The following PAXBP1 variants were observed in gnomAD, a reference collection of about 807,000 sequenced individuals.
PAXBP1 encodes the protein PAX3 and PAX7 binding protein 1.
PAXBP1 carries 44 observed loss-of-function variants against 119.9 expected under a neutral mutation model. The observed-to-expected ratio is 0.37, with a 90% CI of 0.29 to 0.47. The LOEUF is 0.47. Among genes scored for constraint, PAXBP1 ranks in the 20% least tolerant of loss-of-function variants. The probability of loss-of-function intolerance (pLI) is 0.99; values close to 1 mark genes in which losing one functional copy is unlikely to be tolerated. For missense variants in PAXBP1, 898 were observed against 1,134.1 expected (o/e 0.79, Z 2.99); for synonymous variants, 393 against 406.6 (o/e 0.97, Z 0.40).
chr21:32,759,334 T>A, intron 6 of PAXBP1, 65 bp from the exon 7 acceptor site: 1 of 1,438,102 alleles, frequency 7.0e-7, no homozygotes, highest in Non-Finnish European at 9.5e-7. Flanking sequence ...TCAGGACTCT[T>A]GCAATATTAA....
At chr21:32,743,834 G>T in intron 13 of PAXBP1, 80 bp from the exon 14 acceptor site, 1 of 804,664 alleles carries the variant, frequency 1.2e-6, no homozygotes, top group Non-Finnish European at 2.0e-6. Flanking sequence ...TCATGTAACT[G>T]AATATTGAAC....
chr21:32,735,803 C>G (rs767441736), intron 17 of PAXBP1, among the ~76,000 whole-genome samples: 1 of 152,168 alleles, frequency 6.6e-6, no homozygotes, highest in South Asian at 2.1e-4. Context: ...TAGCTTAAAC[C>G]ACTCACGAGA....
intron 10 of PAXBP1, among the ~76,000 whole-genome samples, chr21:32,749,553 G>A (rs1405178347): frequency 1.3e-5 from 2 of 152,106 alleles, no homozygotes; most frequent in African/African-American, 4.8e-5. Flanking sequence ...ATTTACAATG[G>A]AGAGATAAAG....
chr21:32,744,562 A>AT (rs973019760), intron 13 of PAXBP1, among the ~76,000 whole-genome samples: 10 of 151,922 alleles, frequency 6.6e-5, no homozygotes, highest in Admixed American at 5.9e-4. Context: ...TTCCATATTG[A>AT]TTTTTTTAAA....
chr21:32,741,712 T>C, intron 15 of PAXBP1: 2 of 542,638 alleles, frequency 3.7e-6, no homozygotes, highest in South Asian at 4.9e-5. Context: ...ATTTAGGTTT[T>C]ATGGTTGGCT....
chr21:32,763,539 T>C (rs1339933182), intron 3 of PAXBP1, among the ~76,000 whole-genome samples: 1 of 152,268 alleles, frequency 6.6e-6, no homozygotes, highest in Non-Finnish European at 1.5e-5. Context: ...AGCATATTTT[T>C]AAATTGTATA....
chr21:32,765,140 C>A (rs1348308811), intron 2 of PAXBP1, among the ~76,000 whole-genome samples: 1 of 152,192 alleles, frequency 6.6e-6, no homozygotes, highest in Non-Finnish European at 1.5e-5. Context: ...GGACTTCTGA[C>A]TGAAGCAGAG....
chr21:32,759,658 T>C (rs2044104717), intron 6 of PAXBP1, 119 bp downstream of exon 6: 1 of 859,874 alleles, frequency 1.2e-6, no homozygotes, highest in South Asian at 1.6e-5. Context: ...TGTTTAGCTT[T>C]TGAAGCTGGG....
chr21:32,735,009 T>C lies in PAXBP1; in HGVS notation c.2695A>G (p.Met899Val), dbSNP rs1394578544. ...LASVRALDHA[M>V]SVASDHNVKE... ...ACATTGTGGTCACTTGCAACAGACA[T>C]AGCATGATCCAAAGCTCGAACACTT... Residue 899 changes from methionine (M) to valine (V), a missense_variant, in exon 18 of 18, where the codon ATG becomes GTG. Around this residue, in one of 2 missense-constraint regions of PAXBP1, gnomAD observed 599 missense variants for 852.7 expected, o/e 0.70. Coordinates refer to ENST00000331923, the MANE Select transcript of PAXBP1 (RefSeq NM_016631.4). 9 of 1,613,788 alleles carry C rather than the reference T, an allele frequency of 5.6e-6. No homozygotes were observed. In the African/African-American group the frequency reaches 8.0e-5, roughly 14 times the overall value.
Position 32,737,354 on chromosome 21 carries a change from T to C in PAXBP1, c.2536A>G (p.Ile846Val). ...CGGCAAAAGTTTTCTAACTGAGAAATAGTCCTTTCTCCTTTCAGATTCATG... is the reference window on the plus strand; with the variant it reads ...CGGCAAAAGTTTTCTAACTGAGAAACAGTCCTTTCTCCTTTCAGATTCATG... The part of the protein sequence containing the change: ...WFMNLKGERT[I>V]SQLENFCRYL... The change falls in exon 17 of 18, where the codon ATT (isoleucine) becomes GTT (valine). Residue 846 changes from isoleucine (I) to valine (V), a missense_variant. By Grantham distance (29) the Ile-to-Val change is conservative. Transcript: ENST00000331923. 6.2e-7 allele frequency: 1 copy of C among 1,609,332 alleles called. No homozygotes were observed.
At chr21:32,769,573 CTG>C (rs2044299948) in intron 2 of PAXBP1, among the ~76,000 whole-genome samples, 2 of 152,218 alleles carry the variant, frequency 1.3e-5, no homozygotes, top group South Asian at 2.1e-4. Flanking sequence ...AGTAGGAAAA[CTG>C]TGAGAGAATC....
At chr21:32,748,437 G>C in intron 11 of PAXBP1, 62 bp downstream of exon 11, 2 of 1,505,660 alleles carry the variant, frequency 1.3e-6, no homozygotes, top group South Asian at 1.3e-5. Context: ...CTCTAGCTTT[G>C]AGATTAAAAT....
chr21:32,735,446 A>G (rs1242947441), intron 17 of PAXBP1, among the ~76,000 whole-genome samples: 1 of 152,200 alleles, frequency 6.6e-6, no homozygotes, highest in Non-Finnish European at 1.5e-5. Context: ...TTTAGCGTAT[A>G]CCTGGAACAC....
Position 32,755,257 on chromosome 21 carries a change from C to G in PAXBP1, c.1480G>C (p.Glu494Gln). The G allele has an allele frequency of 6.2e-7, 1 of 1,612,914 alleles. No individual in the cohort carries two copies. Among genetic ancestry groups the G allele is most frequent in the South Asian group, 1.1e-5 (1 of 90,884 alleles). Reference sequence around the variant, plus strand: ...GAATGGCTTGAAAACTCCGAAGATTCATCTTTAATATCATCTTGTCGTCTT... The same window carrying G: ...GAATGGCTTGAAAACTCCGAAGATTGATCTTTAATATCATCTTGTCGTCTT... ...VQRRQDDIKD[E>Q]SSEFSSHSNK... The change falls in exon 8 of 18, where the codon GAA becomes CAA. Residue 494 changes from glutamate to glutamine, a missense_variant. By Grantham distance (29) the Glu-to-Gln change is conservative. Coordinates refer to ENST00000331923, the MANE Select transcript of PAXBP1 (RefSeq NM_016631.4).
Position 32,748,709 on chromosome 21 carries a change from C to T in PAXBP1, c.1724-11G>A, listed in dbSNP as rs1248735128. On this transcript the variant is annotated splice_polypyrimidine_tract_variant and intron_variant, in intron 10 of 17. Transcript: ENST00000331923. Reference sequence around the variant, plus strand: ...CTTTTGAAATTCGATCTAAAAACAACAAAACCCCACAGAGAACCATACATT... The same window carrying T: ...CTTTTGAAATTCGATCTAAAAACAATAAAACCCCACAGAGAACCATACATT... The T allele has an allele frequency of 1.1e-5, 18 of 1,604,730 alleles. No individual in the cohort carries two copies. Among genetic ancestry groups the T allele is most frequent in the East Asian group, 8.9e-5 (4 of 44,752 alleles).
rs2044304995 is a variant in PAXBP1, at chr21:32,769,832, G to C, written c.454C>G (p.Leu152Val). The change falls in exon 2 of 18, where the codon CTC (leucine) becomes GTC (valine). Residue 152 changes from leucine (L) to valine (V), a missense_variant. By Grantham distance (32) the Leu-to-Val change is conservative. Transcript: ENST00000331923. ...DLEKSKIKTE[L>V]NSSAESEQPL... is the part of the protein sequence containing the mutation. The stretch of plus-strand genomic sequence containing the variant: ...TACTTACTTTCAGCTGATGAGTTGA[G>C]TTCTGTCTTAATCTTCGATTTTTCA... 2 of 1,601,210 alleles carry C rather than the reference G, an allele frequency of 1.2e-6. No individual in the cohort carries two copies. Among genetic ancestry groups the C allele is most frequent in the South Asian group, 1.1e-5 (1 of 87,408 alleles).
chr21:32,755,563 G>T, intron 7 of PAXBP1: 1 of 423,712 alleles, frequency 2.4e-6, no homozygotes, highest in Non-Finnish European at 4.1e-6. Context: ...ATAATGTCCA[G>T]TGCCTAGTTA....
intron 5 of PAXBP1, among the ~76,000 whole-genome samples, chr21:32,760,588 T>C (rs1392649917): frequency 6.6e-6 from 1 of 152,178 alleles, no homozygotes; most frequent in African/African-American, 2.4e-5. Context: ...AAAAATAAGC[T>C]ACACGCACAA....
At chr21:32,762,880 C>T (rs538112654) in intron 3 of PAXBP1, among the ~76,000 whole-genome samples, 149 of 140,800 alleles carry the variant, frequency 1.1e-3, no homozygotes, top group African/African-American at 3.9e-3. Context: ...CACTGCACTC[C>T]AGCCTGGGCA....
Sources: gnomAD v4.1 joint callset for allele counts (sites outside exome capture counted in the v4.1 genomes callset) on GRCh38, gnomAD v4.1.1 for gene constraint, gnomAD v4.1.1 regional missense constraint, MANE v1.5 for transcripts, NCBI Gene and HGNC (gene_info 2026-07-23, HGNC 2026-07-21) for gene names.